ELMO1: variants seen among roughly 807,000 people sequenced by gnomAD.
ELMO1 encodes engulfment and cell motility protein 1.
In ELMO1, 26 loss-of-function variants were observed where a neutral mutation model predicts 98.9. The observed-to-expected ratio is 0.26, with a 90% CI of 0.19 to 0.36. The LOEUF is 0.36. Ranked by LOEUF, ELMO1 falls within the 10% of genes least tolerant of loss-of-function variation. The probability of loss-of-function intolerance (pLI) is 1.00; values close to 1 mark genes in which losing one functional copy is unlikely to be tolerated. For missense variants in ELMO1, 627 were observed against 935.2 expected (o/e 0.67, Z 4.30); for synonymous variants, 346 against 346.0 (o/e 1.00, Z 0.00).
At chr7:36,962,214 G>T (rs774916994) in intron 16 of ELMO1, among the ~76,000 whole-genome samples, 2 of 152,180 alleles carry the variant, frequency 1.3e-5, no homozygotes, top group Non-Finnish European at 2.9e-5. Context: ...GAGCCAAGCT[G>T]CTTGAACTGA....
intron 4 of ELMO1, among the ~76,000 whole-genome samples, chr7:37,299,437 T>G (rs1436531211): frequency 1.7e-5 from 2 of 115,564 alleles, no homozygotes; most frequent in African/African-American, 3.2e-5. Context: ...CATCTTGAAT[T>G]GATTTTTGTA....
At chr7:37,337,215 C>A in intron 2 of ELMO1, among the ~76,000 whole-genome samples, 1 of 152,162 alleles carries the variant, frequency 6.6e-6, no homozygotes, top group Non-Finnish European at 1.5e-5. Context: ...GAATACTATG[C>A]AGCCATAAAA....
At chr7:37,363,539 A>G (rs1801781712) in intron 1 of ELMO1, among the ~76,000 whole-genome samples, 1 of 151,794 alleles carries the variant, frequency 6.6e-6, no homozygotes, top group Non-Finnish European at 1.5e-5. Flanking sequence ...CCCATCCCAC[A>G]TCAGTGGCTC....
At chr7:37,165,536 C>T (rs58676034) in intron 13 of ELMO1, among the ~76,000 whole-genome samples, 3,861 of 151,740 alleles carry the variant, frequency 0.025, 99 homozygotes, top group African/African-American at 0.07. Flanking sequence ...ATTGAGAGTT[C>T]TTAGCATGAA....
intron 16 of ELMO1, among the ~76,000 whole-genome samples, chr7:36,925,394 G>A (rs1262626992): frequency 1.3e-5 from 2 of 152,140 alleles, no homozygotes; most frequent in Non-Finnish European, 2.9e-5. Flanking sequence ...TCCCTGTGCC[G>A]TGTCTGGCCT....
chr7:37,383,236 CTG>C (rs1248958402), intron 1 of ELMO1, among the ~76,000 whole-genome samples: 1 of 152,182 alleles, frequency 6.6e-6, no homozygotes, highest in Non-Finnish European at 1.5e-5. Context: ...TTGAGTTTTT[CTG>C]TGTCTTTAAT....
At chr7:37,385,398 G>A (rs533032400) in intron 1 of ELMO1, among the ~76,000 whole-genome samples, 33 of 152,310 alleles carry the variant, frequency 2.2e-4, no homozygotes, top group Admixed American at 1.8e-3. Flanking sequence ...GCACAGGGCT[G>A]TTCAGCTGCC....
intron 16 of ELMO1, among the ~76,000 whole-genome samples, chr7:36,996,185 C>A (rs1792197503): frequency 6.6e-6 from 1 of 152,108 alleles, no homozygotes; most frequent in Non-Finnish European, 1.5e-5. Flanking sequence ...TCATCTTGGT[C>A]TTAAAAGAAA....
chr7:37,105,421 G>T (rs1784889234), intron 14 of ELMO1, among the ~76,000 whole-genome samples: 1 of 152,190 alleles, frequency 6.6e-6, no homozygotes. Context: ...CTGGCCCCAA[G>T]GATGGGTACA....
intron 13 of ELMO1, among the ~76,000 whole-genome samples, chr7:37,162,965 T>C (rs1789333752): frequency 6.6e-6 from 1 of 152,168 alleles, no homozygotes; most frequent in South Asian, 2.1e-4. Flanking sequence ...ATAATCCTTG[T>C]TCAGGTTTAT....
intron 16 of ELMO1, among the ~76,000 whole-genome samples, chr7:36,896,524 C>T (rs925608292): frequency 6.6e-6 from 1 of 152,170 alleles, no homozygotes. Context: ...TGGAAATAGA[C>T]AGATAATCTG....
intron 1 of ELMO1, among the ~76,000 whole-genome samples, chr7:37,428,139 A>C (rs1215329086): frequency 6.6e-6 from 1 of 152,102 alleles, no homozygotes; most frequent in Non-Finnish European, 1.5e-5. Context: ...GGTATTATTA[A>C]TATCATAAAC....
intron 17 of ELMO1, 21 bp from the exon 18 acceptor site, chr7:36,887,693 A>G: frequency 6.2e-7 from 1 of 1,608,370 alleles, no homozygotes; most frequent in South Asian, 1.1e-5. Context: ...AAAAACACAT[A>G]TTCCACAGCA....
chr7:37,250,569 G>T (rs988083359), intron 6 of ELMO1, among the ~76,000 whole-genome samples: 14 of 151,988 alleles, frequency 9.2e-5, no homozygotes, highest in African/African-American at 3.4e-4. Flanking sequence ...GAGGCGGGTG[G>T]ATCACGAGGT....
intron 1 of ELMO1, among the ~76,000 whole-genome samples, chr7:37,344,049 T>TTTTTTTTG (rs397942199): frequency 6.6e-6 from 1 of 151,128 alleles, no homozygotes; most frequent in Non-Finnish European, 1.5e-5. Context: ...TTTTTTTTTT[T>TTTTTTTTG]GAGACAGAGT....
intron 16 of ELMO1, among the ~76,000 whole-genome samples, chr7:36,924,081 G>A (rs532810184): frequency 1.8e-4 from 27 of 152,322 alleles, no homozygotes; most frequent in African/African-American, 6.0e-4. Flanking sequence ...CTGAGGTCAT[G>A]AGAACTGTGT....
At chr7:36,932,874 C>A (rs970206591) in intron 16 of ELMO1, among the ~76,000 whole-genome samples, 11 of 152,196 alleles carry the variant, frequency 7.2e-5, no homozygotes, top group African/African-American at 2.7e-4. Flanking sequence ...GATGTTTGTT[C>A]AGGCAACAGA....
chr7:37,265,995 C>A (rs1159770494), intron 5 of ELMO1, among the ~76,000 whole-genome samples: 2 of 152,166 alleles, frequency 1.3e-5, no homozygotes, highest in East Asian at 1.9e-4. Context: ...CTCTCCAATT[C>A]CCTACAAGGC....
rs753927553 is a variant in ELMO1, at chr7:36,854,730, T to G, written c.*821A>C. 4 of 152,674 alleles carry G rather than the reference T, an allele frequency of 2.6e-5. No individual in the cohort carries two copies. The highest frequency in any genetic ancestry group is 5.9e-5 in the Non-Finnish European group (4 of 68,182). The allele number at this position is 152,674 out of a possible 1,614,324, so 9.5% of individuals were successfully genotyped here. On this transcript the variant is annotated 3_prime_UTR_variant, in exon 22 of 22. Transcript: ENST00000310758. Reference sequence around the variant, plus strand: ...CCGTCCTAGAGGCATTTAGGTTTAGTCTATTAGAGATGGAGCGAGACTACT... The same window carrying G: ...CCGTCCTAGAGGCATTTAGGTTTAGGCTATTAGAGATGGAGCGAGACTACT...
Sources: gnomAD v4.1 joint callset for allele counts (sites outside exome capture counted in the v4.1 genomes callset) on GRCh38, gnomAD v4.1.1 for gene constraint, MANE v1.5 for transcripts, NCBI Gene and HGNC (gene_info 2026-07-23, HGNC 2026-07-21) for gene names.